The following RBM39 variants were observed in gnomAD, a reference collection of about 807,000 sequenced individuals.
RBM39 encodes RNA-binding protein 39.
RBM39 carries 12 observed loss-of-function variants against 79.6 expected under a neutral mutation model. The ratio of observed to expected loss-of-function variants is 0.15; its 90% CI spans 0.10 to 0.24. RBM39 has a LOEUF of 0.24. RBM39 is among the 10% of genes least tolerant of loss of function. RBM39 has a pLI of 1.00. For synonymous variants in RBM39, 185 were observed against 208.4 expected (o/e 0.89, Z 0.97); for missense variants, 243 against 653.4 (o/e 0.37, Z 6.85).
chr20:35,715,558 G>A (rs868078581), intron 10 of RBM39, among the ~76,000 whole-genome samples: 16 of 152,212 alleles, frequency 1.1e-4, no homozygotes, highest in Middle Eastern at 3.4e-3. Context: ...AAAAAGAATC[G>A]TTAACAGACC....
chr20:35,711,270 T>C (rs551326512), intron 12 of RBM39, among the ~76,000 whole-genome samples: 2 of 152,112 alleles, frequency 1.3e-5, no homozygotes, highest in Admixed American at 6.5e-5. Context: ...TTATGAACAA[T>C]GAGAAGCAAT....
intron 8 of RBM39, among the ~76,000 whole-genome samples, chr20:35,723,861 C>T (rs983812160): frequency 6.6e-6 from 1 of 152,270 alleles, no homozygotes; most frequent in East Asian, 1.9e-4. Context: ...AGCAACATGG[C>T]AAGACCCTGT....
intron 12 of RBM39, 88 bp from the exon 13 acceptor site, chr20:35,709,362 G>C: frequency 8.8e-7 from 1 of 1,138,966 alleles, no homozygotes; most frequent in Non-Finnish European, 1.2e-6. Context: ...ACAATAGCAG[G>C]GTTCATTCAA....
At chr20:35,730,389 AC>A (rs1164873778) in intron 4 of RBM39, among the ~76,000 whole-genome samples, 1 of 152,216 alleles carries the variant, frequency 6.6e-6, no homozygotes, top group Non-Finnish European at 1.5e-5. Context: ...CCTGTGATCC[AC>A]ACATTTGAAT....
At chr20:35,713,128 T>C in intron 11 of RBM39, 32 bp from the exon 12 acceptor site, 4 of 1,571,614 alleles carry the variant, frequency 2.5e-6, no homozygotes, top group South Asian at 1.2e-5. Context: ...GTTCCTACTA[T>C]GTTGAGAGCA....
At chr20:35,739,683 TAAAAAAAACTAAG>T (rs2040322185) in intron 2 of RBM39, 1 of 343,742 alleles carries the variant, frequency 2.9e-6, no homozygotes, top group African/African-American at 2.2e-5. Flanking sequence ...ACATCCATGT[TAAAAAAAACTAAG>T]ACACAAGAAT....
intron 9 of RBM39, among the ~76,000 whole-genome samples, chr20:35,721,038 G>A (rs2037867036): frequency 2.0e-5 from 3 of 152,134 alleles, no homozygotes; most frequent in African/African-American, 7.2e-5. Flanking sequence ...CTATATTCAA[G>A]GGAGAAATTC....
intron 3 of RBM39, chr20:35,734,501 G>GGTAAAA (rs1489333806): frequency 4.7e-6 from 1 of 213,824 alleles, no homozygotes; most frequent in Non-Finnish European, 9.6e-6. Context: ...TAGGGAACAA[G>GGTAAAA]GTAAAAAGTA....
chr20:35,731,038 T>C (rs1032092855), intron 4 of RBM39, among the ~76,000 whole-genome samples: 12 of 152,178 alleles, frequency 7.9e-5, no homozygotes, highest in African/African-American at 2.9e-4. Context: ...ATCTGAAACT[T>C]ATTATCTCCT....
chr20:35,715,184 G>A (rs2093382944), intron 10 of RBM39, among the ~76,000 whole-genome samples: 1 of 152,090 alleles, frequency 6.6e-6, no homozygotes, highest in Non-Finnish European at 1.5e-5. Context: ...AGGTTACAGA[G>A]CTCACACATC....
At chr20:35,741,548 A>G (rs1187156800) in intron 1 of RBM39, 1 of 152,274 alleles carries the variant, frequency 6.6e-6, no homozygotes, top group Non-Finnish European at 1.5e-5. Context: ...TGTCAACTCC[A>G]AAAACAGAAA....
At chr20:35,741,561 G>T (rs1328490435) in intron 1 of RBM39, 2 of 152,222 alleles carry the variant, frequency 1.3e-5, no homozygotes, top group Non-Finnish European at 2.9e-5. Flanking sequence ...AACAGAAACT[G>T]GGAGACCCGA....
chr20:35,732,216 T>C, intron 3 of RBM39, 81 bp from the exon 4 acceptor site: 2 of 1,257,472 alleles, frequency 1.6e-6, no homozygotes, highest in Non-Finnish European at 2.3e-6. Flanking sequence ...CAGAATCATT[T>C]TTTCATCCTT....
Position 35,724,699 on chromosome 20 carries a change from A to G in RBM39, c.558T>C (p.Ser186=). Residue 186 remains serine (S), a synonymous_variant, in exon 8 of 17, where the codon TCT becomes TCC. Transcript: ENST00000253363. ...CTTTGGAACGTCTTGAATTTCTGTC[A>G]GAAATCATCCTCACATCTCGAACCT... The part of the protein sequence containing the change: ...VGKVRDVRMI[S]DRNSRRSKGI... The G allele has an allele frequency of 6.2e-7, 1 of 1,614,194 alleles. No homozygotes were observed. Among genetic ancestry groups the G allele is most frequent in the African/African-American group, 1.3e-5 (1 of 75,072 alleles).
chr20:35,722,454 G>A (rs1422136875), intron 8 of RBM39, among the ~76,000 whole-genome samples: 1 of 119,216 alleles, frequency 8.4e-6, no homozygotes, highest in African/African-American at 3.4e-5. Context: ...AGTTTATTTA[G>A]AGGCTTTTTT....
intron 11 of RBM39, among the ~76,000 whole-genome samples, 155 bp downstream of exon 11, chr20:35,714,030 G>A (rs1008887059): frequency 6.6e-6 from 1 of 151,950 alleles, no homozygotes; most frequent in Non-Finnish European, 1.5e-5. Context: ...TTAATACAAG[G>A]CACATCATCT....
intron 3 of RBM39, chr20:35,735,217 G>T: frequency 1.6e-6 from 2 of 1,254,754 alleles, no homozygotes. Context: ...AGAGCTTAAC[G>T]GAATGGACGC....
intron 3 of RBM39, among the ~76,000 whole-genome samples, chr20:35,738,276 A>AG (rs2146744203): frequency 6.6e-6 from 1 of 152,322 alleles, no homozygotes; most frequent in African/African-American, 2.4e-5. Context: ...TCACAAGAAA[A>AG]GAAAAAAAAA....
chr20:35,716,699 A>AC, intron 10 of RBM39, 41 bp downstream of exon 10: 1 of 1,314,724 alleles, frequency 7.6e-7, no homozygotes, highest in Non-Finnish European at 1.1e-6. Context: ...TAGTTTAAAA[A>AC]AAAAAAAACC....
Sources: allele counts gnomAD v4.1 joint callset (sites outside exome capture counted in the v4.1 genomes callset), GRCh38; gene constraint gnomAD v4.1.1; transcripts MANE v1.5; gene names NCBI Gene and HGNC (gene_info 2026-07-23, HGNC 2026-07-21).